DOP1A: variants seen among roughly 807,000 people sequenced by gnomAD.
DOP1A encodes DOP1 leucine zipper like protein A.
Under a neutral mutation model 267.6 loss-of-function variants are expected in DOP1A, and 90 were observed. The ratio of observed to expected loss-of-function variants is 0.34; its 90% CI spans 0.28 to 0.40. DOP1A has a LOEUF of 0.40. Among genes scored for constraint, DOP1A ranks in the 10% least tolerant of loss-of-function variants. The pLI, the probability that DOP1A is intolerant of heterozygous loss-of-function variation, is 1.00. For missense variants in DOP1A, 2,437 were observed against 2,900.4 expected (o/e 0.84, Z 3.67); for synonymous variants, 932 against 999.1 (o/e 0.93, Z 1.27).
chr6:83,070,932 T>A (rs1309483387), intron 1 of DOP1A, among the ~76,000 whole-genome samples: 1 of 152,236 alleles, frequency 6.6e-6, no homozygotes, highest in South Asian at 2.1e-4. Context: ...ATCAATGTGA[T>A]TATTAAAGTA....
At chr6:83,170,581 T>C (rs1786884409), downstream of DOP1A, 1 of 892,196 alleles carries the variant, frequency 1.1e-6, no homozygotes, top group Non-Finnish European at 1.7e-6. Flanking sequence ...AAATATAAAA[T>C]TACATTAAAA....
rs192117549 is a variant in DOP1A at position 83,138,869 on chromosome 6, T to C, written c.4827T>C (p.Phe1609=). 13 of 1,614,050 alleles carry C rather than the reference T, an allele frequency of 8.1e-6. No individual in the cohort carries two copies. The East Asian group carries it at 2.2e-4, about 28-fold the overall frequency. ...IPEENETGFD[F]VVSDLEHISP... Reference sequence around the variant, plus strand: ...AAGAGAATGAAACAGGTTTTGATTTTGTTGTATCTGACTTAGAACACATCA... The same window carrying C: ...AAGAGAATGAAACAGGTTTTGATTTCGTTGTATCTGACTTAGAACACATCA... The change falls in exon 21 of 39, where the codon TTT becomes TTC. Residue 1609 remains phenylalanine, a synonymous_variant. Transcript: ENST00000349129.
chr6:83,087,420 C>CAA (rs1038663884), intron 1 of DOP1A, among the ~76,000 whole-genome samples: 2 of 150,022 alleles, frequency 1.3e-5, no homozygotes, highest in African/African-American at 4.9e-5. Context: ...AGGCTGAAAA[C>CAA]AAAAAAAAAC....
At chr6:83,076,118 A>G (rs1767039000) in intron 1 of DOP1A, among the ~76,000 whole-genome samples, 1 of 152,242 alleles carries the variant, frequency 6.6e-6, no homozygotes, top group Non-Finnish European at 1.5e-5. Context: ...TATATAAAGA[A>G]AGAGCTACTC....
intron 18 of DOP1A, 32 bp from the exon 19 acceptor site, chr6:83,134,155 A>G (rs765708153): frequency 6.3e-7 from 1 of 1,578,038 alleles, no homozygotes; most frequent in Non-Finnish European, 8.7e-7. Flanking sequence ...AAGAGAGAAG[A>G]ACATAATTTA....
intron 38 of DOP1A, chr6:83,164,926 G>A: frequency 2.1e-6 from 1 of 470,294 alleles, no homozygotes; most frequent in Middle Eastern, 3.3e-4. Context: ...ATATAGTTCT[G>A]ATTAAGAGCA....
chr6:83,076,206 A>G (rs970713260), intron 1 of DOP1A, among the ~76,000 whole-genome samples: 2 of 152,202 alleles, frequency 1.3e-5, no homozygotes, highest in East Asian at 3.8e-4. Context: ...CAAAGATGAT[A>G]TATAAATGGC....
intron 7 of DOP1A, among the ~76,000 whole-genome samples, chr6:83,118,079 G>A (rs979912871): frequency 3.3e-5 from 5 of 152,188 alleles, no homozygotes; most frequent in Non-Finnish European, 5.9e-5. Context: ...AAAACCTCAA[G>A]AACCTGTGAG....
chr6:83,132,953 A>C (rs1419649266), intron 18 of DOP1A, among the ~76,000 whole-genome samples: 1 of 152,118 alleles, frequency 6.6e-6, no homozygotes, highest in Non-Finnish European at 1.5e-5. Context: ...ATATAAATTG[A>C]AGATTTTATT....
chr6:83,083,547 A>G (rs1398272961), intron 1 of DOP1A, among the ~76,000 whole-genome samples: 2 of 152,162 alleles, frequency 1.3e-5, no homozygotes, highest in Non-Finnish European at 2.9e-5. Context: ...GCCTTATATG[A>G]ACATGGATTC....
downstream of DOP1A, chr6:83,170,956 TTC>T (rs1786963942): frequency 6.5e-6 from 1 of 154,660 alleles, no homozygotes; most frequent in African/African-American, 2.4e-5. Context: ...TTTATCTGAA[TTC>T]TCTCCCTCAG....
chr6:83,077,646 A>G (rs1319178227), intron 1 of DOP1A, among the ~76,000 whole-genome samples: 1 of 152,214 alleles, frequency 6.6e-6, no homozygotes, highest in South Asian at 2.1e-4. Context: ...ACTGCATTCC[A>G]GACTGGGTGA....
chr6:83,167,957 C>T lies in DOP1A; in HGVS notation c.7188C>T (p.Leu2396=). 1 of 1,614,162 alleles carries T rather than the reference C, an allele frequency of 6.2e-7. No individual in the cohort carries two copies. The highest frequency in any genetic ancestry group is 8.5e-7 in the Non-Finnish European group (1 of 1,180,032). ...GCACCGTGCGCAGTATGGAGCAGCTCCTGCCGTTCTTCAATGTGCTCAGTC... is the reference window on the plus strand; with the variant it reads ...GCACCGTGCGCAGTATGGAGCAGCTTCTGCCGTTCTTCAATGTGCTCAGTC... ...TICTVRSMEQ[L]LPFFNVLSQV... Residue 2396 remains leucine (L), a synonymous_variant, in exon 39 of 39, where the codon CTC becomes CTT. Transcript: ENST00000349129.
At chr6:83,091,400 TTTA>T in intron 1 of DOP1A, among the ~76,000 whole-genome samples, 1 of 151,828 alleles carries the variant, frequency 6.6e-6, no homozygotes, top group East Asian at 1.9e-4. Flanking sequence ...AATATTTTGT[TTTA>T]TATGTTTGAT....
intron 31 of DOP1A, 70 bp from the exon 32 acceptor site, chr6:83,153,824 A>G: frequency 1.3e-6 from 2 of 1,484,478 alleles, no homozygotes; most frequent in Non-Finnish European, 1.8e-6. Context: ...AAATGTGAAC[A>G]TTTATGTATA....
At chr6:83,134,532 A>G (rs1778575298) in intron 19 of DOP1A, 1 of 376,064 alleles carries the variant, frequency 2.7e-6, no homozygotes, top group Non-Finnish European at 4.8e-6. Flanking sequence ...ACTATTCATC[A>G]CGTTCCTGAT....
At chr6:83,151,544 T>C in intron 27 of DOP1A, 49 bp from the exon 28 acceptor site, 2 of 1,488,894 alleles carry the variant, frequency 1.3e-6, no homozygotes, top group Non-Finnish European at 1.8e-6. Context: ...CGCATTAGTT[T>C]CTTTTAGCCT....
chr6:83,083,230 G>C (rs1021402482), intron 1 of DOP1A, among the ~76,000 whole-genome samples: 8 of 152,084 alleles, frequency 5.3e-5, no homozygotes, highest in Non-Finnish European at 1.5e-5. Flanking sequence ...GGGGTATTTT[G>C]AGTTGAGCTT....
At chr6:83,077,546 C>T (rs562077467) in intron 1 of DOP1A, among the ~76,000 whole-genome samples, 94 of 151,800 alleles carry the variant, frequency 6.2e-4, no homozygotes, top group Non-Finnish European at 1.2e-3. Context: ...CATGTTGGCA[C>T]CCACCTGTAA....
Sources: gnomAD v4.1 joint callset for allele counts (sites outside exome capture counted in the v4.1 genomes callset) on GRCh38, gnomAD v4.1.1 for gene constraint, MANE v1.5 for transcripts, NCBI Gene and HGNC (gene_info 2026-07-23, HGNC 2026-07-21) for gene names.